The following DNHD1 variants were observed in gnomAD, a reference collection of about 807,000 sequenced individuals.
DNHD1 encodes dynein heavy chain domain 1.
Under a neutral mutation model 458.1 loss-of-function variants are expected in DNHD1, and 383 were observed. The ratio of observed to expected loss-of-function variants is 0.84; its 90% CI spans 0.77 to 0.91. The LOEUF (loss-of-function observed/expected upper bound fraction) is 0.91, where lower values mean the gene tolerates loss of function less well. DNHD1 is among the 40% of genes least tolerant of loss of function. The pLI is 0.00. For missense variants in DNHD1, 5,336 were observed against 5,866.1 expected (o/e 0.91, Z 2.95); for synonymous variants, 2,203 against 2,376.9 (o/e 0.93, Z 2.13).
At chr11:6,514,216 G>C (rs1852408700) in intron 7 of DNHD1, among the ~76,000 whole-genome samples, 1 of 152,102 alleles carries the variant, frequency 6.6e-6, no homozygotes, top group East Asian at 1.9e-4. Flanking sequence ...TGATTCTCCT[G>C]CATCAGCCTC....
At position 6,548,967 on chromosome 11, in the gene DNHD1, C is replaced by G; in HGVS notation, c.7387+34C>G. On this transcript the variant is annotated intron_variant, in intron 24 of 42. Coordinates refer to ENST00000254579, the MANE Select transcript of DNHD1 (RefSeq NM_144666.3). This position sits in a 1 kb window ranked among gnomAD's most constrained non-coding sequence, Gnocchi z 4.4. ...CTGCGAAGAGGGAAGGAAGGAGCTA[C>G]TGTCATCTCTTGAGACTATAAAATC... is the stretch of plus-strand genomic sequence containing the variant. 6.5e-7 allele frequency: 1 copy of G among 1,544,798 alleles called. No homozygotes were observed. The highest frequency in any genetic ancestry group is 8.7e-7 in the Non-Finnish European group (1 of 1,143,734).
In DNHD1 at chr11:6,563,026, A is replaced by T; in HGVS notation, c.9564A>T (p.Leu3188=). The change falls in exon 29 of 43, where the codon CTA becomes CTT. Residue 3188 remains leucine, a synonymous_variant. Transcript: ENST00000254579. ...AGCAGCTAGAGCAAAGCAAGCTCCT[A>T]TACAAGCAGCAGCTGGAAGAGTGTC... The part of the protein sequence containing the change: ...FQQQLEQSKL[L]YKQQLEECRH... 1 of 1,551,748 alleles carries T rather than the reference A, an allele frequency of 6.4e-7. No individual in the cohort carries two copies. Among genetic ancestry groups the T allele is most frequent in the Non-Finnish European group, 8.7e-7 (1 of 1,146,998 alleles).
chr11:6,527,710 T>A (rs1455218028), intron 10 of DNHD1, among the ~76,000 whole-genome samples: 2 of 151,908 alleles, frequency 1.3e-5, no homozygotes, highest in Non-Finnish European at 2.9e-5. Flanking sequence ...TCCTAGAGAG[T>A]GAGTACAGTT....
chr11:6,501,020 T>TAACACA (rs1772432178), intron 3 of DNHD1, among the ~76,000 whole-genome samples: 2 of 151,912 alleles, frequency 1.3e-5, no homozygotes, highest in African/African-American at 4.8e-5. Flanking sequence ...AAGTCTAGAT[T>TAACACA]AGATTAACAA....
At chr11:6,526,523 T>C (rs772999701) in intron 10 of DNHD1, among the ~76,000 whole-genome samples, 1 of 152,208 alleles carries the variant, frequency 6.6e-6, no homozygotes, top group Non-Finnish European at 1.5e-5. Context: ...CTGGAAATTT[T>C]AGCTTTTCTT....
rs746562598 is a variant in DNHD1 at position 6,546,623 on chromosome 11, C to A, written c.5684C>A (p.Pro1895Gln). ...ACACTAAATGTGACCAAGGAGGAAC[C>A]GAAGTGCCAGAAGCCTCGCAGCCTA... ...IRTLNVTKEE[P>Q]KCQKPRSLAA... Residue 1895 changes from proline to glutamine, a missense_variant, in exon 21 of 43, where the codon CCG (proline) becomes CAG (glutamine). Pro to Gln is a moderately conservative substitution (Grantham distance 76, BLOSUM62 -1). This residue lies in a region of DNHD1 where 3,932 missense variants were observed against 4,365.6 expected (regional missense o/e 0.90). Coordinates refer to ENST00000254579, the MANE Select transcript of DNHD1 (RefSeq NM_144666.3). 6.4e-7 allele frequency: 1 copy of A among 1,551,432 alleles called. No homozygotes were observed. The highest frequency in any genetic ancestry group is 8.7e-7 in the Non-Finnish European group (1 of 1,146,790).
chr11:6,564,282 T>C, intron 31 of DNHD1, 51 bp from the exon 32 acceptor site: 1 of 1,488,214 alleles, frequency 6.7e-7, no homozygotes, highest in Non-Finnish European at 9.0e-7. Flanking sequence ...TATCTCTGCC[T>C]GCACCCTCCT....
rs1367946226 is a variant in DNHD1, at chr11:6,511,392, A to G, written c.1355A>G (p.His452Arg). The G allele has an allele frequency of 1.2e-6, 2 of 1,614,220 alleles. No homozygotes were observed. Among genetic ancestry groups the G allele is most frequent in the South Asian group, 1.1e-5 (1 of 91,082 alleles). Reference protein sequence around the residue: ...EEKHKALRLLHRCLNLCTSIL... With the variant: ...EEKHKALRLLRRCLNLCTSIL... Reference sequence around the variant, plus strand: ...AAGCATAAGGCTCTACGGCTGCTCCATCGTTGCCTAAACCTCTGCACATCC... The same window carrying G: ...AAGCATAAGGCTCTACGGCTGCTCCGTCGTTGCCTAAACCTCTGCACATCC... Residue 452 changes from histidine (H) to arginine (R), a missense_variant, in exon 7 of 43, where the codon CAT (histidine) becomes CGT (arginine). This residue lies in a region of DNHD1 where 3,932 missense variants were observed against 4,365.6 expected (regional missense o/e 0.90). Transcript: ENST00000254579.
chr11:6,541,975 T>G (rs1564814488), intron 18 of DNHD1, among the ~76,000 whole-genome samples: 1 of 152,230 alleles, frequency 6.6e-6, no homozygotes, highest in Non-Finnish European at 1.5e-5. Flanking sequence ...CTTTCCATTC[T>G]AATATAGATG....
At position 6,520,200 on chromosome 11, in the gene DNHD1, T is replaced by C. The variant is rs1852577711; in HGVS notation, c.1786-38T>C. 3 of 1,581,762 alleles carry C rather than the reference T, an allele frequency of 1.9e-6. No individual in the cohort carries two copies. The East Asian group carries it at 6.9e-5, about 37-fold the overall frequency. ...AACCTGGTTTGAATCCCTCATTGCT[T>C]TCCCATTTCTGCCCCTTCTCCATAT... On this transcript the variant is annotated intron_variant, in intron 9 of 42. Transcript: ENST00000254579.
At chr11:6,569,096 C>G (rs1290254740) in intron 39 of DNHD1, among the ~76,000 whole-genome samples, 1 of 152,134 alleles carries the variant, frequency 6.6e-6, no homozygotes, top group Non-Finnish European at 1.5e-5. Flanking sequence ...GGGACCTAAA[C>G]TCAGTAGAAG....
chr11:6,515,610 C>CTTT (rs71470013), intron 7 of DNHD1, among the ~76,000 whole-genome samples: 22 of 148,296 alleles, frequency 1.5e-4, no homozygotes, highest in African/African-American at 2.7e-4. Context: ...CTCTTTTCTG[C>CTTT]TTTTTTTTTT....
In DNHD1 at chr11:6,564,353, G is replaced by T; in HGVS notation, c.10305G>T (p.Met3435Ile). Residue 3435 changes from methionine (M) to isoleucine (I), a missense_variant, in exon 32 of 43, where the codon ATG becomes ATT. This residue lies in a region of DNHD1 where 3,932 missense variants were observed against 4,365.6 expected (regional missense o/e 0.90). Coordinates refer to ENST00000254579, the MANE Select transcript of DNHD1 (RefSeq NM_144666.3). ...TQLQKLKGRC[M>I]TVFGDTLLCS... is the part of the protein sequence containing the mutation. ...TCCAGAAGCTGAAGGGACGCTGCAT[G>T]ACTGTGTTTGGAGATACCCTCCTAT... 6.5e-7 allele frequency: 1 copy of T among 1,544,552 alleles called. No individual in the cohort carries two copies. Among genetic ancestry groups the T allele is most frequent in the South Asian group, 1.2e-5 (1 of 83,502 alleles).
At chr11:6,537,054 ACT>A (rs1289578869) in intron 14 of DNHD1, among the ~76,000 whole-genome samples, 1 of 152,158 alleles carries the variant, frequency 6.6e-6, no homozygotes, top group Non-Finnish European at 1.5e-5. Flanking sequence ...TTTGGGTGTG[ACT>A]CTATCACTTT....
At position 6,557,146 on chromosome 11, in the gene DNHD1, C is replaced by T; in HGVS notation, c.7851C>T (p.Pro2617=). 1 of 1,551,758 alleles carries T rather than the reference C, an allele frequency of 6.4e-7. No individual in the cohort carries two copies. Among genetic ancestry groups the T allele is most frequent in the Non-Finnish European group, 8.7e-7 (1 of 1,147,006 alleles). Residue 2617 remains proline (P), a synonymous_variant, in exon 25 of 43, where the codon CCC becomes CCT. Coordinates refer to ENST00000254579, the MANE Select transcript of DNHD1 (RefSeq NM_144666.3). ...RTGSRGFVDY[P]NHQEHLRRVS... is the part of the protein sequence containing the mutation. Reference sequence around the variant, plus strand: ...GCTCCCGAGGTTTTGTGGACTATCCCAACCACCAGGAGCACTTGCGCCGGG... The same window carrying T: ...GCTCCCGAGGTTTTGTGGACTATCCTAACCACCAGGAGCACTTGCGCCGGG...
Position 6,498,670 on chromosome 11 carries a change from A to T in DNHD1, c.455A>T (p.Gln152Leu), listed in dbSNP as rs770236922. ...GCTTCCCATGCTGACTGCTGTCCCC[A>T]GAAGCGGAGGCTCCATCACAGGCCC... ...DSASHADCCP[Q>L]KRRLHHRPPC... The change falls in exon 3 of 43, where the codon CAG becomes CTG. Residue 152 changes from glutamine to leucine, a missense_variant. Coordinates refer to ENST00000254579, the MANE Select transcript of DNHD1 (RefSeq NM_144666.3). 1 of 1,614,186 alleles carries T rather than the reference A, an allele frequency of 6.2e-7. No homozygotes were observed.
rs745555889 is a variant in DNHD1 at position 6,511,274 on chromosome 11, C to G, written c.1237C>G (p.Leu413Val). 4 of 1,614,084 alleles carry G rather than the reference C, an allele frequency of 2.5e-6. No homozygotes were observed. Among genetic ancestry groups the G allele is most frequent in the South Asian group, 2.2e-5 (2 of 91,070 alleles). Residue 413 changes from leucine to valine, a missense_variant and splice_region_variant, in exon 7 of 43, where the codon CTT becomes GTT. This residue lies in a region of DNHD1 where 3,932 missense variants were observed against 4,365.6 expected (regional missense o/e 0.90). Transcript: ENST00000254579. ...FGAGLLHISR[L>V]LQELHSVSWL... ...GACCAGCTTAGTCCTTGATTCTAGG[C>G]TTCTGCAGGAGCTACACTCTGTGTC... is the stretch of plus-strand genomic sequence containing the variant.
At chr11:6,527,138 A>G (rs1852725842) in intron 10 of DNHD1, among the ~76,000 whole-genome samples, 1 of 152,158 alleles carries the variant, frequency 6.6e-6, no homozygotes, top group South Asian at 2.1e-4. Context: ...CATTTGGGGG[A>G]GATTTCAAAA....
chr11:6,500,748 G>T lies in DNHD1; in HGVS notation c.746+1787G>T, dbSNP rs940009404. ...TGCCAGGCATTCATTCATTCAATAA[G>T]TGTTGGATAGCTACATTTATTAGGA... On this transcript the variant is annotated intron_variant, in intron 3 of 42. Coordinates refer to ENST00000254579, the MANE Select transcript of DNHD1 (RefSeq NM_144666.3). Among the ~76,000 whole-genome samples the T allele has an allele frequency of 2.4e-4, 36 of 152,200 alleles. 1 individual carries two copies. Among genetic ancestry groups the T allele is most frequent in the African/African-American group, 8.7e-4 (36 of 41,450 alleles).
Sources: allele counts gnomAD v4.1 joint callset (sites outside exome capture counted in the v4.1 genomes callset), GRCh38; gene constraint gnomAD v4.1.1; regional missense constraint gnomAD v4.1.1; non-coding constraint Gnocchi (gnomAD v3.1); transcripts MANE v1.5; gene names NCBI Gene and HGNC (gene_info 2026-07-23, HGNC 2026-07-21).